Variants in LSM14A observed in about 807,000 individuals in gnomAD.
LSM14A encodes LSM14A mRNA processing body assembly factor, also known as protein LSM14 homolog A.
In LSM14A, 14 loss-of-function variants were observed where a neutral mutation model predicts 52.4. That is an observed-to-expected ratio of 0.27 (90% CI 0.18 to 0.42). The LOEUF is 0.42. Among genes scored for constraint, LSM14A ranks in the 10% least tolerant of loss-of-function variants. The pLI is 1.00. For missense variants in LSM14A, 417 were observed against 581.8 expected (o/e 0.72, Z 2.91); for synonymous variants, 185 against 200.3 (o/e 0.92, Z 0.64).
At chr19:34,189,938 A>C (rs2070230184) in intron 1 of LSM14A, among the ~76,000 whole-genome samples, 1 of 152,208 alleles carries the variant, frequency 6.6e-6, no homozygotes, top group African/African-American at 2.4e-5. Context: ...AGCTGTATTT[A>C]ACTGTTGTTA....
At chr19:34,198,704 G>A (rs1373705589) in intron 3 of LSM14A, among the ~76,000 whole-genome samples, 1 of 152,066 alleles carries the variant, frequency 6.6e-6, no homozygotes, top group African/African-American at 2.4e-5. Context: ...ACCACACAGA[G>A]GGCTGGGTGC....
In LSM14A at chr19:34,194,525, C is replaced by A; in HGVS notation, c.169C>A (p.Pro57Thr). The change falls in exon 2 of 10, where the codon CCT becomes ACT. Residue 57 changes from proline to threonine, a missense_variant. This residue lies in a region of LSM14A where 60 missense variants were observed against 124.8 expected (regional missense o/e 0.48). Transcript: ENST00000544216. ...CAGACCGACAGATCGTCCAATACCA[C>A]CTCGAGATGAAGTCTTTGAATACAT... ...EDRPTDRPIP[P>T]RDEVFEYIIF... 6.2e-7 allele frequency: 1 copy of A among 1,614,126 alleles called. No homozygotes were observed. The highest frequency in any genetic ancestry group is 8.5e-7 in the Non-Finnish European group (1 of 1,179,982).
intron 1 of LSM14A, among the ~76,000 whole-genome samples, chr19:34,185,410 A>G (rs571757749): frequency 6.6e-6 from 1 of 152,322 alleles, no homozygotes; most frequent in African/African-American, 2.4e-5. Flanking sequence ...CAGTGCAGTA[A>G]TATTTGCTAA....
intron 1 of LSM14A, among the ~76,000 whole-genome samples, chr19:34,174,228 CA>C (rs1427923790): frequency 3.3e-5 from 5 of 152,216 alleles, no homozygotes; most frequent in African/African-American, 1.2e-4. Flanking sequence ...GGATTACAGG[CA>C]TGAGCCACCG....
chr19:34,215,968 C>T (rs1409206566), intron 6 of LSM14A, among the ~76,000 whole-genome samples: 2 of 151,934 alleles, frequency 1.3e-5, no homozygotes, highest in East Asian at 1.9e-4. Flanking sequence ...GTGCCTGTGT[C>T]GGTTTCTTGG....
At position 34,193,077 on chromosome 19, in the gene LSM14A, T is replaced by A. The variant is rs376821688; in HGVS notation, c.122-1401T>A. 3.3e-4 allele frequency among the ~76,000 whole-genome samples: 51 copies of A among 152,324 alleles called. 1 individual carries two copies. In the South Asian group the frequency reaches 5.4e-3, roughly 16 times the overall value. ...TTTCATATTCTCTATTTGGAACTTC[T>A]GTATGGATGCAGACATTTTCAGAAA... On this transcript the variant is annotated intron_variant, in intron 1 of 9. Coordinates refer to ENST00000544216, the MANE Select transcript of LSM14A (RefSeq NM_015578.4).
Position 34,196,648 on chromosome 19 carries a change from A to G in LSM14A, c.300A>G (p.Ser100=). The part of the protein sequence containing the change: ...DPAIVQSSLG[S]STSSFQSMGS... ...TTTTCCTTCAGTCCTCACTAGGCTC[A>G]TCGACTTCTTCATTCCAGTCCATGG... Residue 100 remains serine, a synonymous_variant, in exon 3 of 10, where the codon TCA becomes TCG. Coordinates refer to ENST00000544216, the MANE Select transcript of LSM14A (RefSeq NM_015578.4). 4 of 1,611,268 alleles carry G rather than the reference A, an allele frequency of 2.5e-6. No homozygotes were observed. Among genetic ancestry groups the G allele is most frequent in the Non-Finnish European group, 3.4e-6 (4 of 1,179,152 alleles).
At chr19:34,221,351 GGATTACA>G in intron 8 of LSM14A, 149 bp from the exon 9 acceptor site, 1 of 832,984 alleles carries the variant, frequency 1.2e-6, no homozygotes, top group East Asian at 2.7e-5. Flanking sequence ...CAAAGTGCTG[GGATTACA>G]GGCGTGAGCC....
chr19:34,204,409 G>C (rs1352174902), intron 3 of LSM14A, among the ~76,000 whole-genome samples: 1 of 152,172 alleles, frequency 6.6e-6, no homozygotes, highest in African/African-American at 2.4e-5. Flanking sequence ...AGGGAAATTA[G>C]AGAATATTTT....
chr19:34,181,983 C>T (rs897464224), intron 1 of LSM14A, among the ~76,000 whole-genome samples: 2 of 152,074 alleles, frequency 1.3e-5, no homozygotes, highest in African/African-American at 4.8e-5. Context: ...CACCTTGGAG[C>T]CATCCTTAAT....
At chr19:34,190,699 CACTTTGTA>C (rs1422134816) in intron 1 of LSM14A, among the ~76,000 whole-genome samples, 1 of 152,082 alleles carries the variant, frequency 6.6e-6, no homozygotes, top group African/African-American at 2.4e-5. Flanking sequence ...TAGTTTGTTA[CACTTTGTA>C]ACTTTGTAGT....
chr19:34,213,748 T>TATA (rs1417892083), intron 4 of LSM14A, among the ~76,000 whole-genome samples: 1 of 152,178 alleles, frequency 6.6e-6, no homozygotes, highest in Non-Finnish European at 1.5e-5. Context: ...AAATATAATG[T>TATA]ATAAGTACAA....
At chr19:34,214,218 T>C (rs1484558056) in intron 4 of LSM14A, among the ~76,000 whole-genome samples, 2 of 152,122 alleles carry the variant, frequency 1.3e-5, no homozygotes, top group African/African-American at 4.8e-5. Context: ...GCTGGCCTTT[T>C]AGTTTTTATG....
intron 6 of LSM14A, among the ~76,000 whole-genome samples, chr19:34,216,136 C>T (rs896790832): frequency 1.3e-5 from 2 of 151,992 alleles, no homozygotes; most frequent in Non-Finnish European, 2.9e-5. Flanking sequence ...TTTCTGGGCC[C>T]GGCACAGTGG....
chr19:34,195,569 A>G (rs1016377659), intron 2 of LSM14A, among the ~76,000 whole-genome samples: 2 of 152,224 alleles, frequency 1.3e-5, no homozygotes, highest in African/African-American at 4.8e-5. Flanking sequence ...CTTTTTAATA[A>G]GGAATTGTAA....
intron 8 of LSM14A, chr19:34,221,249 T>G: frequency 2.3e-6 from 1 of 441,282 alleles, no homozygotes; most frequent in Non-Finnish European, 4.1e-6. Flanking sequence ...TGCCCAGCTA[T>G]TTTTTGTATT....
chr19:34,178,915 C>T (rs921219227), intron 1 of LSM14A, among the ~76,000 whole-genome samples: 1 of 152,128 alleles, frequency 6.6e-6, no homozygotes, highest in Non-Finnish European at 1.5e-5. Context: ...TTAAAGGAAG[C>T]CTCCATTCAG....
intron 2 of LSM14A, among the ~76,000 whole-genome samples, chr19:34,194,924 A>G (rs1362917858): frequency 6.6e-6 from 1 of 152,178 alleles, no homozygotes; most frequent in Non-Finnish European, 1.5e-5. Context: ...TGTGCATATA[A>G]GATACCCTCT....
At chr19:34,187,482 G>T (rs781561949) in intron 1 of LSM14A, among the ~76,000 whole-genome samples, 4 of 151,958 alleles carry the variant, frequency 2.6e-5, no homozygotes, top group Non-Finnish European at 5.9e-5. Context: ...AGAGACAGAG[G>T]TTTCACCATG....
Sources: allele counts gnomAD v4.1 joint callset (sites outside exome capture counted in the v4.1 genomes callset), GRCh38; gene constraint gnomAD v4.1.1; regional missense constraint gnomAD v4.1.1; transcripts MANE v1.5; gene names NCBI Gene and HGNC (gene_info 2026-07-23, HGNC 2026-07-21).